The following CHD6 variants were observed in gnomAD, a reference collection of about 807,000 sequenced individuals.
The protein encoded by CHD6 is ATP-dependent chromatin remodeler CHD6.
CHD6 carries 50 observed loss-of-function variants against 276.9 expected under a neutral mutation model. The ratio of observed to expected loss-of-function variants is 0.18; its 90% CI spans 0.14 to 0.23. The LOEUF (loss-of-function observed/expected upper bound fraction) is 0.23, where lower values mean the gene tolerates loss of function less well. Ranked by LOEUF, CHD6 falls within the 10% of genes least tolerant of loss-of-function variation. The pLI is 1.00. For missense variants in CHD6, 2,564 were observed against 3,365.8 expected, an observed-to-expected ratio of 0.76 and a Z score of 5.89; for synonymous variants, 1,173 against 1,229.3, an observed-to-expected ratio of 0.95 and a Z score of 0.96.
chr20:41,462,107 A>G (rs896655952), intron 17 of CHD6, among the ~76,000 whole-genome samples: 1 of 152,228 alleles, frequency 6.6e-6, no homozygotes, highest in Non-Finnish European at 1.5e-5. Flanking sequence ...CTCAGTGGGC[A>G]AATATAGGAA....
chr20:41,583,997 T>A (rs530877655), intron 1 of CHD6, among the ~76,000 whole-genome samples: 1 of 152,200 alleles, frequency 6.6e-6, no homozygotes, highest in South Asian at 2.1e-4. Flanking sequence ...ACTGGCAAGA[T>A]AACAGACTTA....
intron 1 of CHD6, among the ~76,000 whole-genome samples, chr20:41,598,251 A>G (rs574933623): frequency 3.9e-4 from 59 of 152,248 alleles, no homozygotes; most frequent in African/African-American, 1.4e-3. Flanking sequence ...TTTCAAAATT[A>G]GTTTCGTTGC....
In CHD6 at chr20:41,403,358, G is replaced by C; in HGVS notation, c.*1235C>G. ...TCAGAAGGGACGTTAACATGAAGGT[G>C]AAAGGACATGGGGAAGTGCTGCTTA... On this transcript the variant is annotated 3_prime_UTR_variant, in exon 37 of 37. Transcript: ENST00000373233. 1 of 1,062,708 alleles carries C rather than the reference G, an allele frequency of 9.4e-7. No individual in the cohort carries two copies. The highest frequency in any genetic ancestry group is 5.1e-5 in the East Asian group (1 of 19,706). 65.8% of individuals were successfully genotyped at this position (1,062,708 alleles called of 1,614,324 possible).
intron 19 of CHD6, 65 bp from the exon 20 acceptor site, chr20:41,454,801 G>C: frequency 9.2e-7 from 1 of 1,092,694 alleles, no homozygotes. Context: ...AAACACCAGT[G>C]TTACTTCAAG....
chr20:41,466,455 C>A (rs2042922901), intron 17 of CHD6, among the ~76,000 whole-genome samples: 1 of 152,120 alleles, frequency 6.6e-6, no homozygotes. Context: ...TATTGCTGAA[C>A]AATTCAGTTG....
chr20:41,501,007 A>G (rs947582267), intron 5 of CHD6, among the ~76,000 whole-genome samples: 5 of 152,172 alleles, frequency 3.3e-5, no homozygotes, highest in African/African-American at 1.2e-4. Flanking sequence ...GTGTGCATTA[A>G]TGAGCAGCAA....
At chr20:41,514,695 A>C (rs2044208480) in intron 4 of CHD6, 110 bp downstream of exon 4, 1 of 1,255,378 alleles carries the variant, frequency 8.0e-7, no homozygotes, top group Non-Finnish European at 1.1e-6. Context: ...AGCCCAGCCC[A>C]GGGCTAGGGA....
At chr20:41,518,460 G>T (rs576442978) in intron 3 of CHD6, among the ~76,000 whole-genome samples, 1 of 152,116 alleles carries the variant, frequency 6.6e-6, no homozygotes, top group Non-Finnish European at 1.5e-5. Context: ...TTGAAAGGAG[G>T]GGGGAATCAT....
Position 41,421,510 on chromosome 20 carries a change from C to T in CHD6, c.5125G>A (p.Gly1709Ser), listed in dbSNP as rs1365459760. ...GGTTCTTGGCTGAGCACCTTCTTAC[C>T]ATACATCATGCTCTCTAAGGACTCA... ...LPESLESMMY[G>S]KKVLSQEPSS... is the part of the protein sequence containing the mutation. Residue 1709 changes from glycine (G) to serine (S), a missense_variant, in exon 31 of 37, where the codon GGT becomes AGT. Gly to Ser is a moderately conservative substitution (Grantham distance 56). Transcript: ENST00000373233. 2 of 1,612,692 alleles carry T rather than the reference C, an allele frequency of 1.2e-6. No individual in the cohort carries two copies. The highest frequency in any genetic ancestry group is 1.7e-6 in the Non-Finnish European group (2 of 1,179,504).
chr20:41,483,496 C>A lies in CHD6; in HGVS notation c.2281G>T (p.Asp761Tyr). ...TCAGGGCTGTGGGTTTTTCGGAAAT[C>A]TTCTAGAATTTTCTCCTCTGCTCCT... ...INGAEEKILE[D>Y]FRKTHSPDAP... Residue 761 changes from aspartate to tyrosine, a missense_variant, in exon 16 of 37, where the codon GAT (aspartate) becomes TAT (tyrosine). Physicochemically the swap from Asp to Tyr is radical, Grantham distance 160. This residue lies in a region of CHD6 where 457 missense variants were observed against 889.0 expected (regional missense o/e 0.51). Coordinates refer to ENST00000373233, the MANE Select transcript of CHD6 (RefSeq NM_032221.5). 2.5e-6 allele frequency: 4 copies of A among 1,612,562 alleles called. No individual in the cohort carries two copies. Among genetic ancestry groups the A allele is most frequent in the Non-Finnish European group, 2.5e-6 (3 of 1,179,466 alleles).
intron 3 of CHD6, among the ~76,000 whole-genome samples, chr20:41,525,057 G>A (rs2044494404): frequency 6.6e-6 from 1 of 152,132 alleles, no homozygotes; most frequent in African/African-American, 2.4e-5. Context: ...ACAGGTGCCT[G>A]GTGAGGCTCT....
intron 9 of CHD6, 46 bp downstream of exon 9, chr20:41,493,807 GTGAAA>G: frequency 1.3e-6 from 2 of 1,578,110 alleles, no homozygotes; most frequent in Non-Finnish European, 1.7e-6. Flanking sequence ...GTTAAAACAA[GTGAAA>G]TACGTGGAAA....
At chr20:41,495,811 T>C (rs1044042569) in intron 8 of CHD6, among the ~76,000 whole-genome samples, 3 of 152,240 alleles carry the variant, frequency 2.0e-5, no homozygotes, top group Non-Finnish European at 2.9e-5. Context: ...ATCTAATCCT[T>C]GCAGGTATTC....
chr20:41,446,681 C>A (rs944069292), intron 24 of CHD6, among the ~76,000 whole-genome samples: 1 of 152,170 alleles, frequency 6.6e-6, no homozygotes, highest in African/African-American at 2.4e-5. Flanking sequence ...TGACCCCCAC[C>A]TTTCCAGGGA....
Position 41,415,452 on chromosome 20 carries a change from C to A in CHD6, c.6673G>T (p.Gly2225Trp). 1.9e-6 allele frequency: 3 copies of A among 1,612,728 alleles called. No individual in the cohort carries two copies. Among genetic ancestry groups the A allele is most frequent in the Non-Finnish European group, 2.5e-6 (3 of 1,179,330 alleles). ...SAMDLSCSSE[G>W]SPGATSPFPV... ...AAAGGGGATGTGGCTCCTGGGGACC[C>A]CTCTGATGAGCAGGAGAGGTCCATA... Residue 2225 changes from glycine to tryptophan, a missense_variant, in exon 34 of 37, where the codon GGG becomes TGG. Transcript: ENST00000373233.
intron 17 of CHD6, among the ~76,000 whole-genome samples, chr20:41,470,088 T>C (rs1479790700): frequency 6.6e-6 from 1 of 152,216 alleles, no homozygotes; most frequent in Admixed American, 6.5e-5. Context: ...ATGTGTGTGT[T>C]TGTGTGGGGA....
intron 18 of CHD6, 47 bp downstream of exon 18, chr20:41,457,217 T>C (rs1322040450): frequency 1.3e-6 from 2 of 1,586,954 alleles, no homozygotes; most frequent in Non-Finnish European, 1.7e-6. Flanking sequence ...GTCTGGGCTG[T>C]GCGACCAATG....
At chr20:41,423,444 A>C (rs1367039039) in intron 30 of CHD6, 48 bp downstream of exon 30, 1 of 1,554,248 alleles carries the variant, frequency 6.4e-7, no homozygotes, top group East Asian at 2.2e-5. Flanking sequence ...TGAAAATCAG[A>C]ATGTTCTTTC....
At chr20:41,435,145 TA>T (rs1447706028) in intron 27 of CHD6, among the ~76,000 whole-genome samples, 1 of 150,658 alleles carries the variant, frequency 6.6e-6, no homozygotes, top group Non-Finnish European at 1.5e-5. Flanking sequence ...CAAGGGAAAT[TA>T]AAAAAAAATA....
Sources: allele counts gnomAD v4.1 joint callset (sites outside exome capture counted in the v4.1 genomes callset), GRCh38; gene constraint gnomAD v4.1.1; regional missense constraint gnomAD v4.1.1; transcripts MANE v1.5; gene names NCBI Gene and HGNC (gene_info 2026-07-23, HGNC 2026-07-21).